The following CACNB2 variants were observed in gnomAD, a reference collection of about 807,000 sequenced individuals.
The protein encoded by CACNB2 is voltage-dependent L-type calcium channel subunit beta-2.
Under a neutral mutation model 73.3 loss-of-function variants are expected in CACNB2, and 42 were observed. That is an observed-to-expected ratio of 0.57 (90% CI 0.45 to 0.74). The LOEUF is 0.74. CACNB2 is among the 30% of genes least tolerant of loss of function. CACNB2 has a pLI of 0.00. For missense variants in CACNB2, 940 were observed against 853.0 expected, an observed-to-expected ratio of 1.10 and a Z score of -1.27; for synonymous variants, 348 against 310.3, an observed-to-expected ratio of 1.12 and a Z score of -1.28.
chr10:18,316,935 G>A (rs1480254857), intron 2 of CACNB2, among the ~76,000 whole-genome samples: 1 of 152,124 alleles, frequency 6.6e-6, no homozygotes, highest in Non-Finnish European at 1.5e-5. Flanking sequence ...TACCCTCAAG[G>A]AAGCCATGCT....
intron 2 of CACNB2, among the ~76,000 whole-genome samples, chr10:18,222,407 T>TACACACAA (rs2035829148): frequency 6.7e-6 from 1 of 149,792 alleles, no homozygotes. Context: ...CACACACACA[T>TACACACAA]ACACACACAC....
At chr10:18,316,642 G>T (rs183005012) in intron 2 of CACNB2, among the ~76,000 whole-genome samples, 2 of 151,836 alleles carry the variant, frequency 1.3e-5, no homozygotes, top group African/African-American at 4.8e-5. Context: ...TTTTGTATTC[G>T]TTGTAGTGCC....
At chr10:18,158,415 G>A (rs1168479384) in intron 2 of CACNB2, among the ~76,000 whole-genome samples, 1 of 152,146 alleles carries the variant, frequency 6.6e-6, no homozygotes, top group Non-Finnish European at 1.5e-5. Context: ...TGTGCTATAA[G>A]AGATTCAATA....
chr10:18,508,975 A>T (rs947542726), intron 6 of CACNB2, among the ~76,000 whole-genome samples: 4 of 152,254 alleles, frequency 2.6e-5, no homozygotes, highest in Non-Finnish European at 4.4e-5. Flanking sequence ...GTAAAGTTCC[A>T]TGAAGAGTGT....
At chr10:18,535,624 T>A (rs2053489623) in intron 11 of CACNB2, among the ~76,000 whole-genome samples, 1 of 147,544 alleles carries the variant, frequency 6.8e-6, no homozygotes, top group Non-Finnish European at 1.5e-5. Context: ...TACAAAAAAA[T>A]TAGCCGGGCG....
intron 2 of CACNB2, among the ~76,000 whole-genome samples, chr10:18,335,888 A>G (rs938473370): frequency 1.3e-5 from 2 of 152,006 alleles, no homozygotes; most frequent in African/African-American, 4.8e-5. Flanking sequence ...TGAAATTCCT[A>G]TATGTTCCAT....
At chr10:18,210,176 G>A (rs1050134815) in intron 2 of CACNB2, among the ~76,000 whole-genome samples, 3 of 152,184 alleles carry the variant, frequency 2.0e-5, no homozygotes, top group Non-Finnish European at 4.4e-5. Flanking sequence ...ATACCTGCCA[G>A]GTGAGTAATG....
intron 2 of CACNB2, among the ~76,000 whole-genome samples, chr10:18,255,546 G>T (rs867532470): frequency 6.6e-6 from 1 of 152,164 alleles, no homozygotes. Context: ...CAAGGACATT[G>T]GTTGTTTTAC....
chr10:18,320,217 A>G (rs1052530226), intron 2 of CACNB2, among the ~76,000 whole-genome samples: 1 of 151,992 alleles, frequency 6.6e-6, no homozygotes, highest in African/African-American at 2.4e-5. Flanking sequence ...CCCAATCCTC[A>G]TGTACTCTCC....
chr10:18,208,573 C>T (rs1419825603), intron 2 of CACNB2, among the ~76,000 whole-genome samples: 1 of 152,048 alleles, frequency 6.6e-6, no homozygotes, highest in Non-Finnish European at 1.5e-5. Flanking sequence ...GATCGTGCCA[C>T]TGCACTCTAG....
chr10:18,286,939 C>T (rs1429773840), intron 2 of CACNB2, among the ~76,000 whole-genome samples: 1 of 152,150 alleles, frequency 6.6e-6, no homozygotes, highest in Non-Finnish European at 1.5e-5. Context: ...CCACGATCTC[C>T]AAGTTAAGGA....
intron 2 of CACNB2, among the ~76,000 whole-genome samples, chr10:18,390,707 A>T (rs571028578): frequency 3.6e-4 from 55 of 152,286 alleles, no homozygotes; most frequent in African/African-American, 1.3e-3. Flanking sequence ...TTCTGCTGTA[A>T]ATTTGAACTC....
chr10:18,180,734 G>A (rs1034171900), intron 2 of CACNB2, among the ~76,000 whole-genome samples: 4 of 151,934 alleles, frequency 2.6e-5, no homozygotes, highest in Admixed American at 1.3e-4. Context: ...TGGGAGGCAC[G>A]GGCCGGCGGA....
intron 2 of CACNB2, among the ~76,000 whole-genome samples, chr10:18,339,257 A>G (rs1589081658): frequency 6.6e-6 from 1 of 152,044 alleles, no homozygotes; most frequent in East Asian, 1.9e-4. Context: ...ACAGTGGCTC[A>G]TGCATGTAAT....
intron 2 of CACNB2, among the ~76,000 whole-genome samples, chr10:18,276,863 GC>G (rs2038314346): frequency 2.6e-5 from 4 of 152,336 alleles, no homozygotes; most frequent in Non-Finnish European, 5.9e-5. Context: ...AAAGGCGTGA[GC>G]CACCACACCC....
chr10:18,250,850 C>T (rs1427958776), intron 2 of CACNB2, among the ~76,000 whole-genome samples: 5 of 152,216 alleles, frequency 3.3e-5, no homozygotes, highest in Admixed American at 2.6e-4. Context: ...CCTGAAGTGT[C>T]CATGCACCAA....
intron 2 of CACNB2, among the ~76,000 whole-genome samples, chr10:18,196,849 T>A (rs1451952735): frequency 6.6e-6 from 1 of 152,172 alleles, no homozygotes; most frequent in Non-Finnish European, 1.5e-5. Flanking sequence ...TCCAGGTAAC[T>A]GGCCTTCAAT....
At chr10:18,286,070 C>T (rs949983327) in intron 2 of CACNB2, among the ~76,000 whole-genome samples, 17 of 152,298 alleles carry the variant, frequency 1.1e-4, no homozygotes, top group African/African-American at 3.8e-4. Flanking sequence ...TTAAATAACA[C>T]TATTGATGGG....
chr10:18,195,562 T>C (rs1386657067), intron 2 of CACNB2, among the ~76,000 whole-genome samples: 2 of 152,190 alleles, frequency 1.3e-5, no homozygotes, highest in South Asian at 2.1e-4. Context: ...CAAGAGAGCG[T>C]GGATTATGAG....
Sources: allele counts gnomAD v4.1 joint callset (sites outside exome capture counted in the v4.1 genomes callset), GRCh38; gene constraint gnomAD v4.1.1; transcripts MANE v1.5; gene names NCBI Gene and HGNC (gene_info 2026-07-23, HGNC 2026-07-21).